LRRC14B: variants seen among roughly 807,000 people sequenced by gnomAD.
LRRC14B encodes the protein leucine rich repeat containing 14B.
A neutral mutation model predicts 16.9 loss-of-function variants in LRRC14B; 23 were observed. The observed-to-expected ratio is 1.36, with a 90% CI of 0.98 to 1.92. LRRC14B has a LOEUF of 1.92. Among genes scored for constraint, LRRC14B ranks in the 30% most tolerant of loss-of-function variants. The probability of loss-of-function intolerance (pLI) is 0.00; values close to 1 mark genes in which losing one functional copy is unlikely to be tolerated. For missense variants in LRRC14B, 766 were observed against 705.7 expected (o/e 1.09, Z -0.97); for synonymous variants, 358 against 332.5 (o/e 1.08, Z -0.83).
chr5:195,994 T>C lies in LRRC14B; in HGVS notation c.*641T>C, dbSNP rs945791216. ...GTTAGTGGTGGCTTTTCTTCTCACT[T>C]TGTGTAGCCCCCAGAACCGTGAGGG... On this transcript the variant is annotated 3_prime_UTR_variant, in exon 2 of 2. Transcript: ENST00000328278. The C allele has an allele frequency of 3.2e-5, 5 of 154,802 alleles. No individual in the cohort carries two copies. Among genetic ancestry groups the C allele is most frequent in the Non-Finnish European group, 7.1e-5 (5 of 69,990 alleles). 9.6% of individuals were successfully genotyped at this position (154,802 alleles called of 1,614,324 possible). A position where few individuals can be genotyped will look rare whatever the true frequency, so the allele number is the denominator to read the frequency against.
At position 191,885 on chromosome 5, in the gene LRRC14B, G is replaced by C; in HGVS notation, c.347G>C (p.Arg116Pro). 1.3e-5 allele frequency: 20 copies of C among 1,519,058 alleles called. No homozygotes were observed. The highest frequency in any genetic ancestry group is 1.8e-5 in the Non-Finnish European group (20 of 1,139,202). 94.1% of individuals were successfully genotyped at this position (1,519,058 alleles called of 1,614,324 possible). A position where few individuals can be genotyped will look rare whatever the true frequency, so the allele number is the denominator to read the frequency against. The change falls in exon 1 of 2, where the codon CGA (arginine) becomes CCA (proline). Residue 116 changes from arginine (R) to proline (P), a missense_variant. Physicochemically the swap from Arg to Pro is moderately radical, Grantham distance 103 (BLOSUM62 -2). Coordinates refer to ENST00000328278, the MANE Select transcript of LRRC14B (RefSeq NM_001080478.3). ...CGGGTGGCTGACCTCACGGGCATCC[G>C]AGATGTGCAGGTGCAGCGGTGCCCG... is the stretch of plus-strand genomic sequence containing the variant. Reference protein sequence around the residue: ...RLRVADLTGIRDVQVQRCPCG... With the variant: ...RLRVADLTGIPDVQVQRCPCG...
In LRRC14B at chr5:191,639, A is replaced by T; in HGVS notation, c.101A>T (p.Tyr34Phe). ...QSLDSVAHNL[Y>F]PLLFKASYLL... is the part of the protein sequence containing the mutation. Reference sequence around the variant, plus strand: ...CTGGACAGCGTGGCCCACAACCTCTACCCACTCCTGTTCAAAGCCAGCTAC... The same window carrying T: ...CTGGACAGCGTGGCCCACAACCTCTTCCCACTCCTGTTCAAAGCCAGCTAC... The change falls in exon 1 of 2, where the codon TAC (tyrosine) becomes TTC (phenylalanine). Residue 34 changes from tyrosine to phenylalanine, a missense_variant. Transcript: ENST00000328278. The T allele has an allele frequency of 6.2e-7, 1 of 1,609,790 alleles. No homozygotes were observed. The highest frequency in any genetic ancestry group is 1.3e-5 in the African/African-American group (1 of 74,912).
rs6898882 is a variant in LRRC14B at position 195,567 on chromosome 5, G to A, written c.*214G>A. 0.021 allele frequency among the ~76,000 whole-genome samples: 3,240 copies of A among 152,300 alleles called. 120 individuals carry two copies. The highest frequency in any genetic ancestry group is 0.073 in the African/African-American group (3,035 of 41,558). Reference sequence around the variant, plus strand: ...ATGCGGTGCCCTTTAGTGGCAGCACGGCAAGGTTCTGGAGGCGGGGGAAGC... The same window carrying A: ...ATGCGGTGCCCTTTAGTGGCAGCACAGCAAGGTTCTGGAGGCGGGGGAAGC... On this transcript the variant is annotated 3_prime_UTR_variant, in exon 2 of 2. Coordinates refer to ENST00000328278, the MANE Select transcript of LRRC14B (RefSeq NM_001080478.3).
At chr5:192,640 C>G (rs948527243) in intron 1 of LRRC14B, among the ~76,000 whole-genome samples, 1 of 152,166 alleles carries the variant, frequency 6.6e-6, no homozygotes, top group Non-Finnish European at 1.5e-5. Context: ...AAGCGGGCTG[C>G]CATGTGTGAC....
At position 194,978 on chromosome 5, in the gene LRRC14B, G is replaced by A; in HGVS notation, c.1170G>A (p.Leu390=). The A allele has an allele frequency of 1.2e-6, 2 of 1,613,454 alleles. No individual in the cohort carries two copies. Among genetic ancestry groups the A allele is most frequent in the Non-Finnish European group, 1.7e-6 (2 of 1,179,826 alleles). The change falls in exon 2 of 2, where the codon CTG becomes CTA. Residue 390 remains leucine (L), a synonymous_variant. Transcript: ENST00000328278. The stretch of plus-strand genomic sequence containing the variant: ...TGGGCCTGAGCCCCTGCCACCGGCT[G>A]CGCCAGCTCAAGTTCCTCGGGAACC... ...LILGLSPCHR[L]RQLKFLGNPL...
chr5:192,032 CTG>C lies in LRRC14B; in HGVS notation c.495_496del (p.Glu166GlyfsTer86), dbSNP rs1733809790. On this transcript the variant is annotated frameshift_variant, in exon 1 of 2. Transcript: ENST00000328278. LOFTEE classifies it high-confidence loss of function. ...GAGGTCCTCGCCGACCTCTTCGTCA[CTG>C]AGGGCAACTTCGAGGCGGTGGTGCA... 6.5e-7 allele frequency: 1 copy of C among 1,539,900 alleles called. No individual in the cohort carries two copies. The highest frequency in any genetic ancestry group is 1.4e-5 in the African/African-American group (1 of 73,398).
rs780324515 is a variant in LRRC14B, at chr5:192,246, G to T, written c.708G>T (p.Val236=). The T allele has an allele frequency of 4.4e-6, 7 of 1,594,338 alleles. No individual in the cohort carries two copies. The highest frequency in any genetic ancestry group is 1.3e-5 in the African/African-American group (1 of 74,488). The change falls in exon 1 of 2, where the codon GTG becomes GTT. Residue 236 remains valine (V), a synonymous_variant. Transcript: ENST00000328278. The part of the protein sequence containing the change: ...AGHVQQLLAQ[V]GFPRLASLTL... ...ACGTGCAGCAGCTTCTGGCCCAGGT[G>T]GGCTTCCCCCGGCTGGCCTCGCTCA...
rs367889282 is a variant in LRRC14B at position 192,129 on chromosome 5, C to T, written c.591C>T (p.Ser197=). Residue 197 remains serine, a synonymous_variant, in exon 1 of 2, where the codon AGC becomes AGT. Coordinates refer to ENST00000328278, the MANE Select transcript of LRRC14B (RefSeq NM_001080478.3). ...HCPSFRADSL[S]PSQLLHVLRL... ...CCTCGTTCCGGGCGGACAGCCTGAG[C>T]CCCAGCCAGCTCCTGCACGTGCTGC... 1.3e-6 allele frequency: 2 copies of T among 1,579,278 alleles called. No homozygotes were observed. The highest frequency in any genetic ancestry group is 1.7e-6 in the Non-Finnish European group (2 of 1,164,694).
rs1021039305 is a variant in LRRC14B, at chr5:191,866, G to T, written c.328G>T (p.Ala110Ser). Residue 110 changes from alanine to serine, a missense_variant, in exon 1 of 2, where the codon GCT (alanine) becomes TCT (serine). Ala to Ser is a moderately conservative substitution (Grantham distance 99). Coordinates refer to ENST00000328278, the MANE Select transcript of LRRC14B (RefSeq NM_001080478.3). ...QDRSRRRLRVADLTGIRDVQV... is the reference protein window; with the variant it reads ...QDRSRRRLRVSDLTGIRDVQV... ...CCGGAGCCGCCGGCGGCTGCGGGTG[G>T]CTGACCTCACGGGCATCCGAGATGT... 6.6e-7 allele frequency: 1 copy of T among 1,522,968 alleles called. No homozygotes were observed. Among genetic ancestry groups the T allele is most frequent in the Admixed American group, 2.0e-5 (1 of 49,778 alleles). The allele number at this position is 1,522,968 out of a possible 1,614,324, so 94.3% of individuals were successfully genotyped here.
In LRRC14B at chr5:191,974, C is replaced by T; in HGVS notation, c.436C>T (p.Gln146Ter). The T allele has an allele frequency of 6.5e-7, 1 of 1,530,714 alleles. No individual in the cohort carries two copies. The allele number at this position is 1,530,714 out of a possible 1,614,324, so 94.8% of individuals were successfully genotyped here. A position where few individuals can be genotyped will look rare whatever the true frequency, so the allele number is the denominator to read the frequency against. Reference protein sequence around the residue: ...QLLARTCCELQAEPLAAGRPV... With the variant: ...QLLARTCCEL ...GCTGGCCAGGACCTGCTGTGAGCTG[C>T]AGGCAGAGCCCCTCGCAGCCGGGCG... Residue 146 changes from glutamine to a stop codon, truncating the protein, a stop_gained, in exon 1 of 2, where the codon CAG (glutamine) becomes TAG (stop). Coordinates refer to ENST00000328278, the MANE Select transcript of LRRC14B (RefSeq NM_001080478.3). LOFTEE classifies it high-confidence loss of function.
rs1018473878 is a variant in LRRC14B at position 195,891 on chromosome 5, C to G, written c.*538C>G. On this transcript the variant is annotated 3_prime_UTR_variant, in exon 2 of 2. Coordinates refer to ENST00000328278, the MANE Select transcript of LRRC14B (RefSeq NM_001080478.3). Reference sequence around the variant, plus strand: ...TCCAGCAGGAGGCTCCCACCCACTGCTGGTCACAACCCGCTGTCTGGACCT... The same window carrying G: ...TCCAGCAGGAGGCTCCCACCCACTGGTGGTCACAACCCGCTGTCTGGACCT... 2 of 160,132 alleles carry G rather than the reference C, an allele frequency of 1.2e-5. No homozygotes were observed. The highest frequency in any genetic ancestry group is 2.7e-5 in the Non-Finnish European group (2 of 73,000). 9.9% of individuals were successfully genotyped at this position (160,132 alleles called of 1,614,324 possible).
chr5:191,549 TGAG>T lies in LRRC14B; in HGVS notation c.13_15del (p.Arg5del). 1 of 1,610,150 alleles carries T rather than the reference TGAG, an allele frequency of 6.2e-7. No homozygotes were observed. The highest frequency in any genetic ancestry group is 8.5e-7 in the Non-Finnish European group (1 of 1,177,738). ...GTCCTGTCTCGGGCCATGGACACAA[TGAG>T]GTCACTCCGCTTCATTTCTGCAGAA... is the stretch of plus-strand genomic sequence containing the variant. On this transcript the variant is annotated inframe_deletion, in exon 1 of 2. Transcript: ENST00000328278.
chr5:195,039 G>T lies in LRRC14B; in HGVS notation c.1231G>T (p.Ala411Ser). The stretch of plus-strand genomic sequence containing the variant: ...CCGCGCCCTCCGGCGCCTCTTCACC[G>T]CACTCTGTGAGCTCCCCGAGCTGCG... Reference protein sequence around the residue: ...SARALRRLFTALCELPELRCI... With the variant: ...SARALRRLFTSLCELPELRCI... The change falls in exon 2 of 2, where the codon GCA becomes TCA. Residue 411 changes from alanine to serine, a missense_variant. By Grantham distance (99) the Ala-to-Ser change is moderately conservative. Transcript: ENST00000328278. 1 of 1,613,278 alleles carries T rather than the reference G, an allele frequency of 6.2e-7. No homozygotes were observed. Among genetic ancestry groups the T allele is most frequent in the Non-Finnish European group, 8.5e-7 (1 of 1,179,884 alleles).
chr5:191,702 G>A lies in LRRC14B; in HGVS notation c.164G>A (p.Gly55Glu), dbSNP rs758113606. ...GCGGAGGTGACGCGCGCGGTGCTGG[G>A]GCGCTGGCCCCTGGAGGAGTTCCGG... The part of the protein sequence containing the change: ...EQAEVTRAVL[G>E]RWPLEEFRLG... Residue 55 changes from glycine (G) to glutamate (E), a missense_variant, in exon 1 of 2, where the codon GGG becomes GAG. By Grantham distance (98) the Gly-to-Glu change is moderately conservative. Transcript: ENST00000328278. The A allele has an allele frequency of 8.2e-6, 13 of 1,591,940 alleles. 2 individuals are homozygous for A. The highest frequency in any genetic ancestry group is 1.7e-4 in the Middle Eastern group (1 of 6,058).
chr5:191,518 G>A lies in LRRC14B; in HGVS notation c.-21G>A, dbSNP rs1241184283. The A allele has an allele frequency of 6.3e-7, 1 of 1,582,914 alleles. No individual in the cohort carries two copies. Among genetic ancestry groups the A allele is most frequent in the East Asian group, 2.3e-5 (1 of 44,062 alleles). ...GCACACGCCTTGGGGAAAGTCGTGG[G>A]GAGCGGTCCTGTCTCGGGCCATGGA... On this transcript the variant is annotated 5_prime_UTR_variant, in exon 1 of 2. Coordinates refer to ENST00000328278, the MANE Select transcript of LRRC14B (RefSeq NM_001080478.3).
chr5:191,789 G>C lies in LRRC14B; in HGVS notation c.251G>C (p.Arg84Thr). The change falls in exon 1 of 2, where the codon AGG becomes ACG. Residue 84 changes from arginine (R) to threonine (T), a missense_variant. By Grantham distance (71) the Arg-to-Thr change is moderately conservative. Coordinates refer to ENST00000328278, the MANE Select transcript of LRRC14B (RefSeq NM_001080478.3). ...CAGGACCTGCGCGACAGAACCTGCA[G>C]GGCCTGCCTGGAGGCGCTGGTGCGC... ...HPQDLRDRTC[R>T]ACLEALVRGL... The C allele has an allele frequency of 6.5e-7, 1 of 1,537,404 alleles. No individual in the cohort carries two copies. Among genetic ancestry groups the C allele is most frequent in the Non-Finnish European group, 8.7e-7 (1 of 1,144,358 alleles).
intron 1 of LRRC14B, 92 bp downstream of exon 1, chr5:192,529 G>A: frequency 7.8e-7 from 1 of 1,279,728 alleles, no homozygotes; most frequent in Non-Finnish European, 1.0e-6. Flanking sequence ...AGGCCATGAG[G>A]CTACACGGCC....
At position 191,921 on chromosome 5, in the gene LRRC14B, CGCTGGGCAGGTGGGGCCGCACCCAGCT is replaced by C; in HGVS notation, c.389_415del (p.Gly130_Leu138del). 1 of 1,510,690 alleles carries C rather than the reference CGCTGGGCAGGTGGGGCCGCACCCAGCT, an allele frequency of 6.6e-7. No homozygotes were observed. The highest frequency in any genetic ancestry group is 1.2e-5 in the South Asian group (1 of 81,100). 93.6% of individuals were successfully genotyped at this position (1,510,690 alleles called of 1,614,324 possible). ...GTGCAGCGGTGCCCGTGCGGGAGGGCGCTGGGCAGGTGGGGCCGCACCCAGCTGCTGGCCAGGACCTGCTGTGAGCTG... is the reference window on the plus strand; with the variant it reads ...GTGCAGCGGTGCCCGTGCGGGAGGGCGCTGGCCAGGACCTGCTGTGAGCTG... On this transcript the variant is annotated inframe_deletion, in exon 1 of 2. Transcript: ENST00000328278.
In LRRC14B at chr5:192,428, C is replaced by G; in HGVS notation, c.890C>G (p.Thr297Arg). Residue 297 changes from threonine to arginine, a missense_variant, in exon 1 of 2, where the codon ACG (threonine) becomes AGG (arginine). Transcript: ENST00000328278. ...AFSTLTGKIP[T>R]LLGPLQTPLR... The stretch of plus-strand genomic sequence containing the variant: ...TCCACGCTGACCGGGAAGATCCCGA[C>G]GCTGCTTGGGTGAGTCTTGGGGAGG... 6.5e-7 allele frequency: 1 copy of G among 1,534,796 alleles called. No homozygotes were observed. The highest frequency in any genetic ancestry group is 1.4e-5 in the African/African-American group (1 of 73,228).
Sources: allele counts gnomAD v4.1 joint callset (sites outside exome capture counted in the v4.1 genomes callset), GRCh38; gene constraint gnomAD v4.1.1; transcripts MANE v1.5; gene names NCBI Gene and HGNC (gene_info 2026-07-23, HGNC 2026-07-21).